KCNIP1: variants seen among roughly 807,000 people sequenced by gnomAD.
KCNIP1 encodes the protein potassium voltage-gated channel interacting protein 1.
KCNIP1 carries 18 observed loss-of-function variants against 33.0 expected under a neutral mutation model. That is an observed-to-expected ratio of 0.55 (90% CI 0.38 to 0.81). KCNIP1 has a LOEUF of 0.81. Ranked by LOEUF, KCNIP1 falls within the 30% of genes least tolerant of loss-of-function variation. KCNIP1 has a pLI of 0.00. For missense variants in KCNIP1, 238 were observed against 271.6 expected (o/e 0.88, Z 0.87); for synonymous variants, 93 against 98.3 (o/e 0.95, Z 0.32).
chr5:170,482,499 T>G (rs1013988613), intron 1 of KCNIP1, among the ~76,000 whole-genome samples: 1 of 152,220 alleles, frequency 6.6e-6, no homozygotes, highest in African/African-American at 2.4e-5. Context: ...TGCTTCATTT[T>G]ACTTTTGGGG....
At chr5:170,364,928 A>C (rs1763616167) in intron 1 of KCNIP1, among the ~76,000 whole-genome samples, 4 of 152,172 alleles carry the variant, frequency 2.6e-5, no homozygotes, top group African/African-American at 7.2e-5. Flanking sequence ...AGCAAATTTC[A>C]AGTATACAGT....
intron 1 of KCNIP1, among the ~76,000 whole-genome samples, chr5:170,624,180 A>G (rs1759722580): frequency 6.6e-6 from 1 of 152,348 alleles, no homozygotes; most frequent in Admixed American, 6.5e-5. Context: ...CCATAAATCA[A>G]CACATTTGAG....
intron 1 of KCNIP1, among the ~76,000 whole-genome samples, chr5:170,485,050 C>G (rs913455312): frequency 2.7e-5 from 4 of 149,356 alleles, no homozygotes; most frequent in African/African-American, 9.9e-5. Context: ...AAGCAATTCT[C>G]TTGCCTCAGC....
intron 1 of KCNIP1, among the ~76,000 whole-genome samples, chr5:170,652,583 C>T (rs935506591): frequency 4.6e-5 from 7 of 151,726 alleles, no homozygotes; most frequent in East Asian, 1.9e-4. Context: ...GGATTTCCTT[C>T]GAGGTAGCCA....
intron 1 of KCNIP1, among the ~76,000 whole-genome samples, chr5:170,467,916 T>G (rs1335137164): frequency 4.1e-5 from 2 of 48,566 alleles, no homozygotes; most frequent in Non-Finnish European, 6.5e-5. Context: ...AGATTCCATC[T>G]CAAAAAAAAA....
chr5:170,512,900 A>G (rs1002549045), intron 1 of KCNIP1, among the ~76,000 whole-genome samples: 16 of 152,138 alleles, frequency 1.1e-4, no homozygotes, highest in Non-Finnish European at 2.1e-4. Flanking sequence ...ATACAAAAAA[A>G]TTAGCCAGGC....
chr5:170,688,196 T>A (rs1197257094), intron 1 of KCNIP1, among the ~76,000 whole-genome samples: 1 of 152,172 alleles, frequency 6.6e-6, no homozygotes, highest in East Asian at 1.9e-4. Flanking sequence ...GGAAGGGCAG[T>A]CCTAGTTAAG....
intron 1 of KCNIP1, among the ~76,000 whole-genome samples, chr5:170,713,085 G>A (rs1763514336): frequency 6.6e-6 from 1 of 152,178 alleles, no homozygotes; most frequent in African/African-American, 2.4e-5. Context: ...CTCCCCGTAA[G>A]AAATGGTTAC....
At chr5:170,449,200 C>T (rs1756188723) in intron 1 of KCNIP1, among the ~76,000 whole-genome samples, 1 of 152,204 alleles carries the variant, frequency 6.6e-6, no homozygotes, top group Admixed American at 6.5e-5. Flanking sequence ...ATTTATTACA[C>T]TCAAACTTCT....
intron 1 of KCNIP1, among the ~76,000 whole-genome samples, chr5:170,441,635 C>G (rs1036040609): frequency 6.6e-6 from 1 of 152,124 alleles, no homozygotes; most frequent in African/African-American, 2.4e-5. Flanking sequence ...AGAACCATCC[C>G]AGGGCTTGGC....
chr5:170,626,522 C>T (rs1165288124), intron 1 of KCNIP1, among the ~76,000 whole-genome samples: 1 of 152,208 alleles, frequency 6.6e-6, no homozygotes, highest in African/African-American at 2.4e-5. Flanking sequence ...ATGGTCTGGG[C>T]TGACTCTTTG....
chr5:170,486,604 G>A (rs1483514105), intron 1 of KCNIP1, among the ~76,000 whole-genome samples: 1 of 152,222 alleles, frequency 6.6e-6, no homozygotes, highest in African/African-American at 2.4e-5. Flanking sequence ...CCTGGCTCCT[G>A]CCAGTTTCTG....
At chr5:170,385,081 C>T (rs759670760) in intron 1 of KCNIP1, among the ~76,000 whole-genome samples, 3 of 152,166 alleles carry the variant, frequency 2.0e-5, no homozygotes, top group South Asian at 2.1e-4. Context: ...GTTACCACCA[C>T]GTCCTAGATC....
intron 1 of KCNIP1, among the ~76,000 whole-genome samples, chr5:170,409,310 C>T (rs1755117243): frequency 6.6e-6 from 1 of 152,202 alleles, no homozygotes; most frequent in African/African-American, 2.4e-5. Context: ...GGACACTCCC[C>T]TGGGACCACC....
intron 1 of KCNIP1, among the ~76,000 whole-genome samples, chr5:170,565,583 C>T (rs938292448): frequency 2.0e-5 from 3 of 152,174 alleles, no homozygotes; most frequent in African/African-American, 7.2e-5. Context: ...TTGTTAAGTA[C>T]CTACTATGTG....
chr5:170,394,651 G>A lies in KCNIP1; in HGVS notation c.88+40687G>A, dbSNP rs530203415. On this transcript the variant is annotated intron_variant, in intron 1 of 7. Transcript: ENST00000377360. ...GATACACGTGCAGGTTTGTTGTGAG[G>A]GTGTAATGCGTGATGCTGACGTTTG... 2.0e-5 allele frequency among the ~76,000 whole-genome samples: 3 copies of A among 152,176 alleles called. No homozygotes were observed. In the East Asian group the frequency reaches 5.8e-4, roughly 29 times the overall value.
intron 1 of KCNIP1, among the ~76,000 whole-genome samples, chr5:170,398,451 C>T (rs974518464): frequency 2.6e-5 from 4 of 152,210 alleles, no homozygotes; most frequent in African/African-American, 9.7e-5. Flanking sequence ...GTTAATTTCA[C>T]ACATAATCAC....
chr5:170,595,627 A>C (rs140868138), intron 1 of KCNIP1, among the ~76,000 whole-genome samples: 353 of 152,330 alleles, frequency 2.3e-3, no homozygotes, highest in Middle Eastern at 3.4e-3. Flanking sequence ...AGGAGAAAAA[A>C]ACAAGCACCT....
intron 1 of KCNIP1, among the ~76,000 whole-genome samples, chr5:170,561,533 T>C (rs1262618286): frequency 6.6e-6 from 1 of 152,230 alleles, no homozygotes; most frequent in Non-Finnish European, 1.5e-5. Context: ...TCCTCCTCTC[T>C]TCCCTCAGTA....
Sources: gnomAD v4.1 joint callset for allele counts (sites outside exome capture counted in the v4.1 genomes callset) on GRCh38, gnomAD v4.1.1 for gene constraint, MANE v1.5 for transcripts, NCBI Gene and HGNC (gene_info 2026-07-23, HGNC 2026-07-21) for gene names.